Variants in CFAP221 observed in about 807,000 individuals in gnomAD.
CFAP221 encodes cilia and flagella associated protein 221.
CFAP221 carries 97 observed loss-of-function variants against 113.1 expected under a neutral mutation model. That is an observed-to-expected ratio of 0.86 (90% CI 0.73 to 1.02). The LOEUF is 1.02. Ranked by LOEUF, CFAP221 falls within the 50% of genes least tolerant of loss-of-function variation. The probability of loss-of-function intolerance (pLI) is 0.00; values close to 1 mark genes in which losing one functional copy is unlikely to be tolerated. For synonymous variants in CFAP221, 331 were observed against 354.4 expected (o/e 0.93, Z 0.74); for missense variants, 1,025 against 1,013.4 (o/e 1.01, Z -0.16).
chr2:119,556,693 C>T (rs111608472), intron 3 of CFAP221, among the ~76,000 whole-genome samples: 4,241 of 151,962 alleles, frequency 0.028, 86 homozygotes, highest in Non-Finnish European at 0.04. Flanking sequence ...GCTGGGATTA[C>T]AGGCTCCCAC....
At chr2:119,577,117 TG>T (rs1682502570) in intron 6 of CFAP221, among the ~76,000 whole-genome samples, 1 of 152,224 alleles carries the variant, frequency 6.6e-6, no homozygotes, top group African/African-American at 2.4e-5. Flanking sequence ...GACTGAGAAT[TG>T]TGAGATCAGG....
chr2:119,652,827 G>T (rs1185447031), intron 23 of CFAP221, among the ~76,000 whole-genome samples: 3 of 151,104 alleles, frequency 2.0e-5, no homozygotes, highest in Non-Finnish European at 4.4e-5. Flanking sequence ...TTTGAAAAAT[G>T]CCTTTATATT....
At chr2:119,583,701 C>A (rs1683004994) in intron 6 of CFAP221, among the ~76,000 whole-genome samples, 1 of 152,198 alleles carries the variant, frequency 6.6e-6, no homozygotes, top group Admixed American at 6.5e-5. Context: ...GTGTTTAAAT[C>A]TAACCCCCAA....
chr2:119,625,786 T>A (rs1686269025), intron 15 of CFAP221, 98 bp downstream of exon 15: 1 of 943,848 alleles, frequency 1.1e-6, no homozygotes, highest in Admixed American at 2.6e-5. Context: ...AAATAAAAAA[T>A]TTTCACCAGT....
chr2:119,630,567 C>T lies in CFAP221; in HGVS notation c.1732-3C>T, dbSNP rs370357896. 1.3e-6 allele frequency: 2 copies of T among 1,592,672 alleles called. No homozygotes were observed. Among genetic ancestry groups the T allele is most frequent in the Non-Finnish European group, 1.7e-6 (2 of 1,161,172 alleles). On this transcript the variant is annotated splice_polypyrimidine_tract_variant and splice_region_variant and intron_variant, in intron 17 of 23. Transcript: ENST00000413369. Reference sequence around the variant, plus strand: ...AGGATTTTCAATCTTCTTTCACCTTCAGGTTCCTCAACTGTACAAAATTAA... The same window carrying T: ...AGGATTTTCAATCTTCTTTCACCTTTAGGTTCCTCAACTGTACAAAATTAA...
intron 6 of CFAP221, 138 bp downstream of exon 6, chr2:119,562,252 G>T: frequency 1.8e-5 from 3 of 171,382 alleles, no homozygotes; most frequent in Non-Finnish European, 1.7e-5. Context: ...ATTGTAAAAG[G>T]CAAAAAAAAA....
chr2:119,659,855 G>T (rs956567486), downstream of CFAP221, among the ~76,000 whole-genome samples: 5 of 152,198 alleles, frequency 3.3e-5, no homozygotes, highest in Non-Finnish European at 4.4e-5. Context: ...GGCCTACCTA[G>T]TCCCTGCTTC....
intron 22 of CFAP221, 33 bp from the exon 23 acceptor site, chr2:119,651,941 G>T: frequency 1.3e-6 from 2 of 1,489,214 alleles, no homozygotes; most frequent in South Asian, 1.2e-5. Context: ...GGAAGGAAAA[G>T]CAGTGCCCAC....
intron 5 of CFAP221, 35 bp downstream of exon 5, chr2:119,560,061 T>TC: frequency 7.1e-7 from 1 of 1,406,850 alleles, no homozygotes; most frequent in South Asian, 1.3e-5. Context: ...TTTTTTTTTT[T>TC]TTTTGATGGT....
intron 23 of CFAP221, among the ~76,000 whole-genome samples, chr2:119,652,737 T>G (rs1688199828): frequency 6.6e-6 from 1 of 152,144 alleles, no homozygotes; most frequent in Non-Finnish European, 1.5e-5. Flanking sequence ...TGAAGAATAC[T>G]TTTTAATGTA....
intron 6 of CFAP221, among the ~76,000 whole-genome samples, chr2:119,577,285 A>G (rs977665485): frequency 6.6e-6 from 1 of 152,206 alleles, no homozygotes; most frequent in Non-Finnish European, 1.5e-5. Flanking sequence ...CACCTTCCTA[A>G]GTCCCCACCT....
intron 23 of CFAP221, 28 bp downstream of exon 23, chr2:119,652,097 A>G: frequency 6.4e-7 from 1 of 1,554,302 alleles, no homozygotes; most frequent in Non-Finnish European, 8.9e-7. Flanking sequence ...TGCCTTATTA[A>G]AAGGTAATCT....
intron 6 of CFAP221, among the ~76,000 whole-genome samples, chr2:119,568,947 T>C (rs1681844085): frequency 6.6e-6 from 1 of 152,168 alleles, no homozygotes; most frequent in South Asian, 2.1e-4. Flanking sequence ...TCCCCTTCAC[T>C]TTTGAAGGAT....
chr2:119,629,964 T>G lies in CFAP221; in HGVS notation c.1731+9T>G. On this transcript the variant is annotated intron_variant, in intron 17 of 23. Transcript: ENST00000413369. ...CCTTCTTCAATCTGCAGGTCAGACC[T>G]GTCACATAAATTAATTAATTGAGTT... 6.3e-7 allele frequency: 1 copy of G among 1,583,740 alleles called. No homozygotes were observed. The highest frequency in any genetic ancestry group is 8.6e-7 in the Non-Finnish European group (1 of 1,159,740).
Position 119,571,537 on chromosome 2 carries a change from C to T in CFAP221, c.527+9423C>T, listed in dbSNP as rs189746165. Among the ~76,000 whole-genome samples, 341 of 152,184 alleles carry T rather than the reference C, an allele frequency of 2.2e-3. 1 individual carries two copies. Among genetic ancestry groups the T allele is most frequent in the Non-Finnish European group, 3.7e-3 (252 of 68,018 alleles). On this transcript the variant is annotated intron_variant, in intron 6 of 23. Transcript: ENST00000413369. ...TGTCAGGATCTCGGCTCACTGCAAC[C>T]TCTGCCTTTCAGGCTCAAACAATCC...
intron 22 of CFAP221, chr2:119,648,682 T>C (rs1446530550): frequency 6.4e-6 from 1 of 155,154 alleles, no homozygotes; most frequent in Non-Finnish European, 1.5e-5. Flanking sequence ...TATAACTCAG[T>C]ATAAAATCAC....
intron 6 of CFAP221, among the ~76,000 whole-genome samples, chr2:119,570,470 A>C (rs888101069): frequency 6.6e-6 from 1 of 152,212 alleles, no homozygotes; most frequent in East Asian, 1.9e-4. Context: ...ACCACATGCA[A>C]GTTTAGAACA....
chr2:119,659,958 A>G (rs1410070466), downstream of CFAP221, among the ~76,000 whole-genome samples: 1 of 152,166 alleles, frequency 6.6e-6, no homozygotes, highest in Non-Finnish European at 1.5e-5. Context: ...CACTTCGTTC[A>G]CCAACATCCA....
At chr2:119,646,294 A>G (rs1480495312) in intron 21 of CFAP221, among the ~76,000 whole-genome samples, 2 of 152,188 alleles carry the variant, frequency 1.3e-5, no homozygotes, top group Non-Finnish European at 2.9e-5. Context: ...TATAAAGAAA[A>G]GAGGTTTAAT....
Sources: gnomAD v4.1 joint callset for allele counts (sites outside exome capture counted in the v4.1 genomes callset) on GRCh38, gnomAD v4.1.1 for gene constraint, MANE v1.5 for transcripts, NCBI Gene and HGNC (gene_info 2026-07-23, HGNC 2026-07-21) for gene names.